TFDP2: variants seen among roughly 807,000 people sequenced by gnomAD.
The protein encoded by TFDP2 is transcription factor Dp-2, also known as transcription factor Dp-2 (E2F dimerization partner 2).
TFDP2 carries 17 observed loss-of-function variants against 59.3 expected under a neutral mutation model. The ratio of observed to expected loss-of-function variants is 0.29; its 90% CI spans 0.20 to 0.43. The LOEUF (loss-of-function observed/expected upper bound fraction) is 0.43, where lower values mean the gene tolerates loss of function less well. Among genes scored for constraint, TFDP2 ranks in the 20% least tolerant of loss-of-function variants. The pLI is 1.00. For missense variants in TFDP2, 391 were observed against 528.8 expected (o/e 0.74, Z 2.56); for synonymous variants, 180 against 194.7 (o/e 0.92, Z 0.63).
rs552030133 is a variant in TFDP2, at chr3:142,149,446, C to A, written c.-356G>T. On this transcript the variant is annotated 5_prime_UTR_variant, in exon 1 of 13. Coordinates refer to ENST00000489671, the MANE Select transcript of TFDP2 (RefSeq NM_001178139.2). Reference sequence around the variant, plus strand: ...GCGGGCCGGGCAGCTGCGGCAGCGCCGCAGCCGAGATCGCTACCGATTTCG... The same window carrying A: ...GCGGGCCGGGCAGCTGCGGCAGCGCAGCAGCCGAGATCGCTACCGATTTCG... 2.4e-5 allele frequency: 9 copies of A among 378,854 alleles called. No individual in the cohort carries two copies. The South Asian group carries it at 1.3e-3, about 55-fold the overall frequency. The allele number at this position is 378,854 out of a possible 1,614,324, so 23.5% of individuals were successfully genotyped here.
At chr3:142,062,269 G>T (rs1370922833) in intron 3 of TFDP2, among the ~76,000 whole-genome samples, 1 of 151,658 alleles carries the variant, frequency 6.6e-6, no homozygotes, top group Non-Finnish European at 1.5e-5. Flanking sequence ...AAGGCTTTTG[G>T]CCAACAGTGA....
intron 10 of TFDP2, among the ~76,000 whole-genome samples, chr3:141,960,427 A>G (rs1937212634): frequency 6.6e-6 from 1 of 152,160 alleles, no homozygotes. Context: ...AAAGTACCCA[A>G]ATTGGATTCC....
chr3:141,995,534 T>C (rs1943188177), intron 4 of TFDP2, among the ~76,000 whole-genome samples: 3 of 152,188 alleles, frequency 2.0e-5, no homozygotes, highest in Admixed American at 2.0e-4. Flanking sequence ...TCATACAGTA[T>C]ACACAAAGAT....
chr3:142,026,663 C>T (rs950613283), intron 3 of TFDP2, among the ~76,000 whole-genome samples: 53 of 152,272 alleles, frequency 3.5e-4, no homozygotes, highest in Middle Eastern at 3.4e-3. Context: ...TGTGTATACA[C>T]GCACATTATA....
chr3:141,955,994 G>A (rs1422366639), intron 11 of TFDP2, among the ~76,000 whole-genome samples: 2 of 152,096 alleles, frequency 1.3e-5, no homozygotes, highest in African/African-American at 2.4e-5. Context: ...TTTTAGTAGA[G>A]ATGGGGTTTT....
chr3:142,022,620 TG>T (rs1464997993), intron 3 of TFDP2, among the ~76,000 whole-genome samples: 6 of 152,150 alleles, frequency 3.9e-5, no homozygotes, highest in African/African-American at 1.2e-4. Context: ...TCAAGACAGC[TG>T]AGTGCAACCA....
intron 1 of TFDP2, among the ~76,000 whole-genome samples, chr3:142,112,914 T>G (rs1284856366): frequency 6.6e-6 from 1 of 152,260 alleles, no homozygotes; most frequent in Non-Finnish European, 1.5e-5. Context: ...TATGTATTAT[T>G]TGTTCTTAAT....
intron 9 of TFDP2, 111 bp from the exon 10 acceptor site, chr3:141,964,074 A>G: frequency 2.1e-6 from 2 of 949,134 alleles, no homozygotes; most frequent in Non-Finnish European, 3.1e-6. Context: ...TTAAAGAGAC[A>G]TCCCGCCTGC....
intron 1 of TFDP2, among the ~76,000 whole-genome samples, chr3:142,127,137 T>C (rs1159287598): frequency 1.3e-5 from 2 of 148,388 alleles, no homozygotes; most frequent in Admixed American, 1.4e-4. Context: ...CCTAGAGACA[T>C]ACAGATATAT....
chr3:141,989,893 A>AATT lies in TFDP2; in HGVS notation c.356+3642_356+3644dup, dbSNP rs1357180642. 1.7e-3 allele frequency among the ~76,000 whole-genome samples: 247 copies of AATT among 145,486 alleles called. 2 individuals carry two copies. Among genetic ancestry groups the AATT allele is most frequent in the African/African-American group, 2.5e-3 (101 of 39,632 alleles). On this transcript the variant is annotated intron_variant, in intron 6 of 12. Transcript: ENST00000489671. ...GATTTACTTTAATAATAATAATAAT[A>AATT]ATTATTATTATTATTATTGAGACAG...
At chr3:142,097,927 G>C (rs2061212031) in intron 2 of TFDP2, among the ~76,000 whole-genome samples, 1 of 152,012 alleles carries the variant, frequency 6.6e-6, no homozygotes, top group Non-Finnish European at 1.5e-5. Context: ...AAGTAGCTGG[G>C]ATTACAGGCA....
At chr3:141,958,908 A>G (rs1359582971) in intron 11 of TFDP2, among the ~76,000 whole-genome samples, 1 of 148,856 alleles carries the variant, frequency 6.7e-6, no homozygotes, top group Non-Finnish European at 1.5e-5. Flanking sequence ...GATAATAGAT[A>G]TACTAAATTT....
intron 6 of TFDP2, among the ~76,000 whole-genome samples, chr3:141,989,939 G>T (rs938021218): frequency 6.6e-6 from 1 of 151,450 alleles, no homozygotes; most frequent in African/African-American, 2.4e-5. Flanking sequence ...GGTCACCGGG[G>T]CTGGAGTGCA....
At chr3:142,010,811 T>G (rs1387944792) in intron 3 of TFDP2, among the ~76,000 whole-genome samples, 5 of 141,616 alleles carry the variant, frequency 3.5e-5, no homozygotes, top group Non-Finnish European at 7.7e-5. Flanking sequence ...AAAGAAGACA[T>G]TTATGCAGCC....
intron 3 of TFDP2, among the ~76,000 whole-genome samples, chr3:142,042,017 T>C (rs1416963164): frequency 3.9e-5 from 6 of 152,224 alleles, no homozygotes; most frequent in Admixed American, 1.3e-4. Flanking sequence ...CTGATATATG[T>C]GTCCATTCTT....
At chr3:142,091,264 A>C (rs1020771798) in intron 3 of TFDP2, among the ~76,000 whole-genome samples, 1 of 152,220 alleles carries the variant, frequency 6.6e-6, no homozygotes, top group African/African-American at 2.4e-5. Flanking sequence ...TGAGGCTTAA[A>C]GTATCTCTTA....
chr3:142,046,833 G>C (rs2108473153), intron 3 of TFDP2, among the ~76,000 whole-genome samples: 1 of 152,104 alleles, frequency 6.6e-6, no homozygotes, highest in African/African-American at 2.4e-5. Flanking sequence ...TTTGACCGAA[G>C]CATAAGACAG....
chr3:141,991,237 T>G, intron 6 of TFDP2, among the ~76,000 whole-genome samples: 1 of 152,334 alleles, frequency 6.6e-6, no homozygotes, highest in Non-Finnish European at 1.5e-5. Context: ...ATTTTCCCAA[T>G]AAATTTTTTT....
chr3:142,066,365 A>G (rs2060074189), intron 3 of TFDP2, among the ~76,000 whole-genome samples: 1 of 152,204 alleles, frequency 6.6e-6, no homozygotes, highest in Non-Finnish European at 1.5e-5. Context: ...AAAATATTGT[A>G]AGTTGGAAAT....
Sources: gnomAD v4.1 joint callset for allele counts (sites outside exome capture counted in the v4.1 genomes callset) on GRCh38, gnomAD v4.1.1 for gene constraint, MANE v1.5 for transcripts, NCBI Gene and HGNC (gene_info 2026-07-23, HGNC 2026-07-21) for gene names.